The following ARID1B variants were observed in gnomAD, a reference collection of about 807,000 sequenced individuals.
The protein encoded by ARID1B is AT-rich interaction domain 1B.
ARID1B carries 30 observed loss-of-function variants against 212.3 expected under a neutral mutation model. The observed-to-expected ratio is 0.14, with a 90% confidence interval of 0.11 to 0.19. The LOEUF (loss-of-function observed/expected upper bound fraction) is 0.19. Among genes scored for constraint, ARID1B ranks in the 10% least tolerant of loss-of-function variants. The pLI is 1.00. For missense variants in ARID1B, 2,891 were observed against 3,204.0 expected (o/e 0.90, Z 2.36); for synonymous variants, 1,402 against 1,301.7 (o/e 1.08, Z -1.66).
At chr6:157,139,716 A>G (rs878890261) in intron 7 of ARID1B, among the ~76,000 whole-genome samples, 1 of 151,298 alleles carries the variant, frequency 6.6e-6, no homozygotes, top group Non-Finnish European at 1.5e-5. Context: ...AGAGCTATAT[A>G]TATAATTATT....
intron 4 of ARID1B, among the ~76,000 whole-genome samples, chr6:157,075,110 G>A (rs150874941): frequency 2.1e-4 from 32 of 152,146 alleles, no homozygotes; most frequent in African/African-American, 7.7e-4. Flanking sequence ...TTGCACTTGA[G>A]TGCTAGCACT....
intron 4 of ARID1B, among the ~76,000 whole-genome samples, chr6:156,967,535 A>G (rs1218410347): frequency 6.6e-6 from 1 of 152,214 alleles, no homozygotes; most frequent in East Asian, 1.9e-4. Flanking sequence ...GAGGGAGAGA[A>G]TGTGTGTATG....
chr6:156,904,656 TA>T (rs1789219940), intron 3 of ARID1B, among the ~76,000 whole-genome samples: 1 of 152,230 alleles, frequency 6.6e-6, no homozygotes, highest in Non-Finnish European at 1.5e-5. Context: ...GCCAATCTGG[TA>T]CAGATTGAGC....
At position 157,033,969 on chromosome 6, in the gene ARID1B, T is replaced by TTCAA. The variant is rs199579047; in HGVS notation, c.2248-50692_2248-50689dup. On this transcript the variant is annotated intron_variant, in intron 4 of 19. Transcript: ENST00000636930. Reference sequence around the variant, plus strand: ...GTGAAACATGGGTCTCATCAGAGTATTCAAATTTGTCTCTGTATTTGTTAC... The same window carrying TTCAA: ...GTGAAACATGGGTCTCATCAGAGTATTCAATCAAATTTGTCTCTGTATTTGTTAC... Among the ~76,000 whole-genome samples, 750 of 152,316 alleles carry TTCAA rather than the reference T, an allele frequency of 4.9e-3. 4 individuals are homozygous for TTCAA. Among genetic ancestry groups the TTCAA allele is most frequent in the African/African-American group, 0.017 (714 of 41,562 alleles).
intron 4 of ARID1B, among the ~76,000 whole-genome samples, chr6:157,065,312 C>CT: frequency 6.6e-6 from 1 of 152,116 alleles, no homozygotes; most frequent in Non-Finnish European, 1.5e-5. Flanking sequence ...GCTGAAACTA[C>CT]TTTGGCTCTG....
At chr6:156,880,978 TA>T (rs1419517394) in intron 2 of ARID1B, among the ~76,000 whole-genome samples, 1 of 152,158 alleles carries the variant, frequency 6.6e-6, no homozygotes. Flanking sequence ...AGAAAAAGGC[TA>T]AAGAGAAGGG....
intron 4 of ARID1B, among the ~76,000 whole-genome samples, chr6:157,059,254 AGTTT>A (rs1440510198): frequency 2.0e-5 from 3 of 152,192 alleles, no homozygotes; most frequent in Non-Finnish European, 2.9e-5. Context: ...CATGTGTAAC[AGTTT>A]GTTATATAAT....
intron 18 of ARID1B, among the ~76,000 whole-genome samples, chr6:157,202,234 G>A (rs917578613): frequency 6.6e-6 from 1 of 152,128 alleles, no homozygotes; most frequent in African/African-American, 2.4e-5. Context: ...CAGAGGTCTG[G>A]ACTATCTGGA....
intron 2 of ARID1B, among the ~76,000 whole-genome samples, chr6:156,897,920 A>T (rs542459400): frequency 6.6e-6 from 1 of 152,188 alleles, no homozygotes; most frequent in Non-Finnish European, 1.5e-5. Context: ...AACAGTACTT[A>T]TCATTCAACA....
At chr6:156,922,703 G>A (rs750583555) in intron 3 of ARID1B, among the ~76,000 whole-genome samples, 9 of 152,158 alleles carry the variant, frequency 5.9e-5, no homozygotes, top group Non-Finnish European at 1.2e-4. Context: ...GATTATCTCT[G>A]TTCTTACCCT....
chr6:156,991,091 A>G (rs1778248846), intron 4 of ARID1B, among the ~76,000 whole-genome samples: 1 of 152,182 alleles, frequency 6.6e-6, no homozygotes, highest in South Asian at 2.1e-4. Flanking sequence ...TCTGAGGAGC[A>G]GTAACTTGAC....
chr6:156,784,197 AG>A (rs1779477083), intron 1 of ARID1B, among the ~76,000 whole-genome samples: 1 of 151,244 alleles, frequency 6.6e-6, no homozygotes, highest in South Asian at 2.1e-4. Flanking sequence ...AATGGGAGGG[AG>A]GTTTTTGCAG....
At position 157,207,709 on chromosome 6, in the gene ARID1B, C is replaced by G. The variant is rs761917637; in HGVS notation, c.6937C>G (p.Pro2313Ala). 6.2e-7 allele frequency: 1 copy of G among 1,605,558 alleles called. No homozygotes were observed. The highest frequency in any genetic ancestry group is 1.7e-5 in the Admixed American group (1 of 59,836). ...CATGCAGCCCCCGCCCCTGGAACCA[C>G]CTAGCGTAGACATGATGTGCAGGGC... ...MHMQPPPLEP[P>A]SVDMMCRAAK... The change falls in exon 20 of 20, where the codon CCT becomes GCT. Residue 2313 changes from proline to alanine, a missense_variant. Physicochemically the swap from Pro to Ala is conservative, Grantham distance 27. Coordinates refer to ENST00000636930, the MANE Select transcript of ARID1B (RefSeq NM_001374828.1). The surrounding 1 kb of genome is among the most constrained non-coding windows in gnomAD (Gnocchi z 8.5).
chr6:156,995,731 G>C (rs2128415912), intron 4 of ARID1B, among the ~76,000 whole-genome samples: 1 of 152,338 alleles, frequency 6.6e-6, no homozygotes, highest in Non-Finnish European at 1.5e-5. Context: ...CACCAGATGA[G>C]ATGGAGAATC....
At chr6:156,903,214 C>T (rs1302632513) in intron 3 of ARID1B, among the ~76,000 whole-genome samples, 1 of 152,138 alleles carries the variant, frequency 6.6e-6, no homozygotes, top group African/African-American at 2.4e-5. Context: ...AAGCATACTA[C>T]AAGTAAAATC....
At chr6:156,838,000 A>C (rs1783630745) in intron 2 of ARID1B, among the ~76,000 whole-genome samples, 1 of 152,244 alleles carries the variant, frequency 6.6e-6, no homozygotes, top group African/African-American at 2.4e-5. Flanking sequence ...GATAAACAGC[A>C]GGAGTTACCC....
intron 8 of ARID1B, among the ~76,000 whole-genome samples, chr6:157,161,961 AG>A (rs1790974803): frequency 1.3e-5 from 2 of 152,220 alleles, no homozygotes; most frequent in African/African-American, 4.8e-5. Flanking sequence ...ACATAACTCA[AG>A]GGTGGTATTT....
intron 4 of ARID1B, among the ~76,000 whole-genome samples, chr6:156,988,268 G>T (rs1778058050): frequency 6.6e-6 from 1 of 152,142 alleles, no homozygotes; most frequent in South Asian, 2.1e-4. Context: ...AAACTTTTGG[G>T]CCAGTGACTT....
chr6:156,950,589 G>A (rs1474377319), intron 4 of ARID1B, among the ~76,000 whole-genome samples: 3 of 132,942 alleles, frequency 2.3e-5, no homozygotes, highest in Non-Finnish European at 1.5e-5. Context: ...GTTGTTGTGG[G>A]CCAGGTGGTA....
Sources: allele counts gnomAD v4.1 joint callset (sites outside exome capture counted in the v4.1 genomes callset), GRCh38; gene constraint gnomAD v4.1.1; non-coding constraint Gnocchi (gnomAD v3.1); transcripts MANE v1.5; gene names NCBI Gene and HGNC (gene_info 2026-07-23, HGNC 2026-07-21).